The following TRPC5 variants were observed in gnomAD, a reference collection of about 807,000 sequenced individuals.
TRPC5 encodes transient receptor potential cation channel subfamily C member 5.
Under a neutral mutation model 56.5 loss-of-function variants are expected in TRPC5, and 9 were observed. The ratio of observed to expected loss-of-function variants is 0.16; its 90% CI spans 0.10 to 0.28. The LOEUF is 0.28. Among genes scored for constraint, TRPC5 ranks in the 10% least tolerant of loss-of-function variants. The probability of loss-of-function intolerance (pLI) is 1.00; values close to 1 mark genes in which losing one functional copy is unlikely to be tolerated. For missense variants in TRPC5, 469 were observed against 748.9 expected (o/e 0.63, Z 4.36); for synonymous variants, 282 against 278.5 (o/e 1.01, Z -0.13).
At chrX:111,996,833 T>C (rs1928549873) in intron 1 of TRPC5, among the ~76,000 whole-genome samples, 1 of 111,036 alleles carries the variant, frequency 9.0e-6, no homozygotes, top group South Asian at 3.8e-4. Flanking sequence ...TGTTTTGTTT[T>C]GTTTGCTTTC....
intron 1 of TRPC5, among the ~76,000 whole-genome samples, chrX:112,078,393 A>C (rs1204617481): frequency 2.7e-5 from 3 of 111,868 alleles, no homozygotes; most frequent in African/African-American, 9.8e-5. Context: ...ACAGAACTTC[A>C]GAAAATGTAT....
At chrX:111,891,709 T>TTTTTGTAG (rs1022907366) in intron 3 of TRPC5, among the ~76,000 whole-genome samples, 3 of 110,198 alleles carry the variant, frequency 2.7e-5, no homozygotes, top group Non-Finnish European at 3.8e-5. Context: ...CCCAGCTAAT[T>TTTTTGTAG]TTTTGTAGTT....
chrX:112,036,426 A>G (rs12836187), intron 1 of TRPC5, among the ~76,000 whole-genome samples: 1 of 111,749 alleles, frequency 8.9e-6, no homozygotes, highest in African/African-American at 3.3e-5. Flanking sequence ...ACAGACAAAC[A>G]CAATAATCCT....
chrX:112,010,806 G>T (rs1928971364), intron 1 of TRPC5, among the ~76,000 whole-genome samples: 1 of 111,923 alleles, frequency 8.9e-6, no homozygotes, highest in African/African-American at 3.3e-5. Flanking sequence ...GGGTTCTTAT[G>T]AGGATAATAA....
In TRPC5 at chrX:111,776,192, A is replaced by T. The variant is rs968159535; in HGVS notation, c.*121T>A. On this transcript the variant is annotated 3_prime_UTR_variant, in exon 11 of 11. Coordinates refer to ENST00000262839, the MANE Select transcript of TRPC5 (RefSeq NM_012471.3). ...GTGGCTATAAAAGATGGTGCAAATA[A>T]GAGTTTCACTCTCCTTTCTGGGGGG... is the stretch of plus-strand genomic sequence containing the variant. 2.3e-5 allele frequency: 15 copies of T among 654,491 alleles called. No individual in the cohort carries two copies. In the African/African-American group the frequency reaches 3.3e-4, roughly 14 times the overall value. 53.9% of individuals were successfully genotyped at this position (654,491 alleles called of 1,213,427 possible).
At chrX:111,918,225 G>A (rs978024959) in intron 2 of TRPC5, among the ~76,000 whole-genome samples, 1 of 111,481 alleles carries the variant, frequency 9.0e-6, no homozygotes, top group Non-Finnish European at 1.9e-5. Context: ...AAGGTGAGTT[G>A]AATGGAGGTG....
intron 1 of TRPC5, among the ~76,000 whole-genome samples, chrX:111,996,980 G>A (rs1469913865): frequency 9.0e-6 from 1 of 111,240 alleles, no homozygotes; most frequent in Non-Finnish European, 1.9e-5. Context: ...TTTTAATTGG[G>A]ACATTTAGCC....
chrX:111,940,254 A>C (rs1427303820), intron 2 of TRPC5, among the ~76,000 whole-genome samples: 1 of 111,177 alleles, frequency 9.0e-6, no homozygotes, highest in Non-Finnish European at 1.9e-5. Context: ...GGTTTATTCC[A>C]TTGTGGTTCG....
intron 3 of TRPC5, among the ~76,000 whole-genome samples, chrX:111,865,601 C>G (rs2148591258): frequency 9.0e-6 from 1 of 111,598 alleles, no homozygotes; most frequent in South Asian, 3.8e-4. Context: ...GCTGGGATTA[C>G]AGGAGTGAGC....
chrX:111,901,889 G>A (rs1191061617), intron 3 of TRPC5: 1 of 1,151,969 alleles, frequency 8.7e-7, no homozygotes, highest in Non-Finnish European at 1.1e-6. Flanking sequence ...TGATGGACTT[G>A]TTGCTTGTGT....
intron 3 of TRPC5, among the ~76,000 whole-genome samples, chrX:111,897,255 G>T (rs751401216): frequency 2.7e-5 from 3 of 111,333 alleles, no homozygotes; most frequent in Non-Finnish European, 3.8e-5. Flanking sequence ...AGAAAAGTGG[G>T]TTTTACAGTC....
intron 7 of TRPC5, among the ~76,000 whole-genome samples, chrX:111,817,639 A>T (rs1291571890): frequency 9.0e-6 from 1 of 110,811 alleles, no homozygotes; most frequent in Non-Finnish European, 1.9e-5. Context: ...TCTGATTTTT[A>T]CACCCACTCT....
intron 1 of TRPC5, among the ~76,000 whole-genome samples, chrX:112,015,617 C>T (rs113293853): frequency 9.3e-4 from 104 of 111,404 alleles, no homozygotes; most frequent in African/African-American, 3.1e-3. Flanking sequence ...TCGCGTCATC[C>T]GGTGCCCCTT....
chrX:111,919,035 G>A (rs370170451), intron 2 of TRPC5, among the ~76,000 whole-genome samples: 3 of 111,403 alleles, frequency 2.7e-5, no homozygotes, highest in East Asian at 5.7e-4. Flanking sequence ...TTTGGATAGC[G>A]ACTAAATCAG....
intron 1 of TRPC5, among the ~76,000 whole-genome samples, chrX:111,995,568 A>G (rs1029870126): frequency 4.5e-5 from 5 of 111,253 alleles, no homozygotes; most frequent in African/African-American, 1.6e-4. Flanking sequence ...CCTCTGGTAG[A>G]ATTCGGCTGT....
chrX:111,945,948 C>G (rs140234204), intron 2 of TRPC5, among the ~76,000 whole-genome samples: 26 of 112,573 alleles, frequency 2.3e-4, no homozygotes, highest in African/African-American at 8.1e-4. Flanking sequence ...TTCAGAAAGT[C>G]TGTGTTTGCT....
chrX:111,831,601 C>A (rs1327676854), intron 7 of TRPC5, among the ~76,000 whole-genome samples: 2 of 112,030 alleles, frequency 1.8e-5, no homozygotes, highest in East Asian at 2.8e-4. Context: ...GGGAGACAAC[C>A]AATTATGTAT....
At chrX:112,069,235 C>G (rs1004786660) in intron 1 of TRPC5, among the ~76,000 whole-genome samples, 79 of 111,978 alleles carry the variant, frequency 7.1e-4, no homozygotes, top group Non-Finnish European at 1.3e-3. Context: ...TAAGGTCACA[C>G]TCCTAGTAAG....
intron 7 of TRPC5, among the ~76,000 whole-genome samples, chrX:111,788,091 C>T (rs770617619): frequency 9.0e-6 from 1 of 111,715 alleles, no homozygotes; most frequent in African/African-American, 3.3e-5. Flanking sequence ...GATACCAAAG[C>T]CGGGCAGAGA....
Sources: gnomAD v4.1 joint callset for allele counts (sites outside exome capture counted in the v4.1 genomes callset) on GRCh38, gnomAD v4.1.1 for gene constraint, MANE v1.5 for transcripts, NCBI Gene and HGNC (gene_info 2026-07-23, HGNC 2026-07-21) for gene names.